Variants in PDE7A observed in about 807,000 individuals in gnomAD.
The protein encoded by PDE7A is phosphodiesterase 7A, also known as high affinity 3',5'-cyclic-AMP phosphodiesterase 7A.
Under a neutral mutation model 64.3 loss-of-function variants are expected in PDE7A, and 39 were observed. The ratio of observed to expected loss-of-function variants is 0.61; its 90% CI spans 0.47 to 0.79. The LOEUF is 0.79. PDE7A is among the 30% of genes least tolerant of loss of function. PDE7A has a pLI of 0.00. For missense variants in PDE7A, 470 were observed against 582.8 expected, an observed-to-expected ratio of 0.81 and a Z score of 1.99; for synonymous variants, 203 against 206.8, an observed-to-expected ratio of 0.98 and a Z score of 0.16.
chr8:65,809,865 G>A (rs1481810426), intron 1 of PDE7A, among the ~76,000 whole-genome samples: 2 of 152,198 alleles, frequency 1.3e-5, no homozygotes, highest in Non-Finnish European at 2.9e-5. Flanking sequence ...TGGAGAGGAT[G>A]TGGAGAAATA....
At chr8:65,793,741 GAA>G (rs1443766357) in intron 1 of PDE7A, among the ~76,000 whole-genome samples, 1 of 152,138 alleles carries the variant, frequency 6.6e-6, no homozygotes, top group African/African-American at 2.4e-5. Context: ...GAAACAAAAA[GAA>G]AGACAGAATA....
At chr8:65,769,390 G>A (rs1296177107) in intron 3 of PDE7A, among the ~76,000 whole-genome samples, 1 of 151,836 alleles carries the variant, frequency 6.6e-6, no homozygotes, top group African/African-American at 2.4e-5. Context: ...CAGAATCATT[G>A]CAACAAAGCT....
At chr8:65,801,509 C>T (rs1225598127) in intron 1 of PDE7A, among the ~76,000 whole-genome samples, 1 of 151,928 alleles carries the variant, frequency 6.6e-6, no homozygotes, top group East Asian at 1.9e-4. Flanking sequence ...CAAAAACTGA[C>T]AAAGCCAAGG....
chr8:65,798,206 A>ATATATATATATATATATATATATTTTTTT, intron 1 of PDE7A, among the ~76,000 whole-genome samples: 1 of 73,832 alleles, frequency 1.4e-5, no homozygotes, highest in African/African-American at 5.8e-5. Flanking sequence ...ATATATATAT[A>ATATATATATATATATATATATATTTTTTT]TTTTTTTTTT....
intron 1 of PDE7A, among the ~76,000 whole-genome samples, chr8:65,819,548 G>A (rs1337351695): frequency 1.3e-5 from 2 of 152,150 alleles, no homozygotes; most frequent in African/African-American, 4.8e-5. Flanking sequence ...CAAAGTTATT[G>A]TTAACAGCAA....
At chr8:65,839,513 G>A (rs1811026590) in intron 1 of PDE7A, among the ~76,000 whole-genome samples, 2 of 151,442 alleles carry the variant, frequency 1.3e-5, no homozygotes, top group Admixed American at 1.3e-4. Flanking sequence ...GTCCATCTCT[G>A]CATCCACTAA....
At chr8:65,817,436 A>G (rs1810434941) in intron 1 of PDE7A, among the ~76,000 whole-genome samples, 1 of 142,798 alleles carries the variant, frequency 7.0e-6, no homozygotes, top group Non-Finnish European at 1.5e-5. Flanking sequence ...TTGGTGCAAC[A>G]AAACAAAAAT....
At chr8:65,791,718 T>C (rs1029659841) in intron 1 of PDE7A, among the ~76,000 whole-genome samples, 1 of 152,230 alleles carries the variant, frequency 6.6e-6, no homozygotes, top group Non-Finnish European at 1.5e-5. Context: ...GAAAATTTCC[T>C]ATTAGAACAG....
chr8:65,744,946 C>T (rs1168213734), intron 5 of PDE7A, among the ~76,000 whole-genome samples: 2 of 152,044 alleles, frequency 1.3e-5, no homozygotes, highest in Non-Finnish European at 2.9e-5. Context: ...TGGCTGTGTC[C>T]CCAGCCAAAT....
intron 1 of PDE7A, among the ~76,000 whole-genome samples, chr8:65,806,941 T>C (rs1810128867): frequency 6.6e-6 from 1 of 152,260 alleles, no homozygotes; most frequent in South Asian, 2.1e-4. Context: ...TTGATTACCA[T>C]TGCTCTGTAC....
At chr8:65,787,594 A>C (rs1045269635) in intron 1 of PDE7A, among the ~76,000 whole-genome samples, 3 of 152,200 alleles carry the variant, frequency 2.0e-5, no homozygotes, top group African/African-American at 7.2e-5. Context: ...TTTTTTTAAA[A>C]ATAAAATATT....
intron 12 of PDE7A, among the ~76,000 whole-genome samples, chr8:65,721,149 C>T (rs1011177062): frequency 2.0e-5 from 3 of 152,174 alleles, no homozygotes; most frequent in African/African-American, 7.2e-5. Flanking sequence ...ATTAGTACCT[C>T]GAACACAGCT....
At chr8:65,837,451 T>C (rs1371222910) in intron 1 of PDE7A, among the ~76,000 whole-genome samples, 1 of 152,250 alleles carries the variant, frequency 6.6e-6, no homozygotes, top group African/African-American at 2.4e-5. Context: ...CGTCATGAGA[T>C]ACCTTGGAGA....
chr8:65,727,635 A>C (rs917677216), intron 7 of PDE7A: 1 of 192,300 alleles, frequency 5.2e-6, no homozygotes, highest in African/African-American at 2.3e-5. Context: ...AAAATGACAA[A>C]CATAGTTTGG....
Position 65,807,531 on chromosome 8 carries a change from CCTAA to C in PDE7A, c.139-24692_139-24689del, listed in dbSNP as rs199981147. 5.9e-3 allele frequency among the ~76,000 whole-genome samples: 891 copies of C among 152,112 alleles called. 8 individuals carry two copies. Among genetic ancestry groups the C allele is most frequent in the African/African-American group, 0.02 (842 of 41,502 alleles). ...CTGGATGTTTTTTTTATTTTTCTTG[CCTAA>C]CTGACTTGGCTAGAACCTTTAGTTC... On this transcript the variant is annotated intron_variant, in intron 1 of 12. Coordinates refer to ENST00000401827, the MANE Select transcript of PDE7A (RefSeq NM_001242318.3).
At chr8:65,763,314 C>T (rs1390803669) in intron 3 of PDE7A, among the ~76,000 whole-genome samples, 1 of 152,030 alleles carries the variant, frequency 6.6e-6, no homozygotes, top group Non-Finnish European at 1.5e-5. Context: ...CCTGTTAATC[C>T]CAGCACTTTG....
At chr8:65,807,558 TTCA>T (rs1810141147) in intron 1 of PDE7A, among the ~76,000 whole-genome samples, 1 of 152,196 alleles carries the variant, frequency 6.6e-6, no homozygotes, top group African/African-American at 2.4e-5. Context: ...GAACCTTTAG[TTCA>T]ATGCTGAATA....
intron 1 of PDE7A, among the ~76,000 whole-genome samples, chr8:65,792,307 TA>T (rs1461873437): frequency 6.6e-6 from 1 of 152,246 alleles, no homozygotes; most frequent in Non-Finnish European, 1.5e-5. Context: ...CTGGGGTTTA[TA>T]AGGCTAATAT....
intron 7 of PDE7A, chr8:65,731,699 C>T (rs1430404156): frequency 3.3e-5 from 5 of 152,040 alleles, no homozygotes; most frequent in African/African-American, 1.2e-4. Flanking sequence ...AGTTTGTCTC[C>T]AAAATTTCCA....
Sources: allele counts gnomAD v4.1 joint callset (sites outside exome capture counted in the v4.1 genomes callset), GRCh38; gene constraint gnomAD v4.1.1; transcripts MANE v1.5; gene names NCBI Gene and HGNC (gene_info 2026-07-23, HGNC 2026-07-21).